Variants in FBLN2 observed in about 807,000 individuals in gnomAD.
FBLN2 encodes fibulin 2.
Under a neutral mutation model 123.7 loss-of-function variants are expected in FBLN2, and 81 were observed. That is an observed-to-expected ratio of 0.65 (90% confidence interval 0.55 to 0.79). FBLN2 has a LOEUF of 0.79. Among genes scored for constraint, FBLN2 ranks in the 30% least tolerant of loss-of-function variants. The pLI is 0.00. For missense variants in FBLN2, 1,603 were observed against 1,681.3 expected, an observed-to-expected ratio of 0.95 and a Z score of 0.81; for synonymous variants, 699 against 701.4, an observed-to-expected ratio of 1.00 and a Z score of 0.05.
intron 6 of FBLN2, 46 bp downstream of exon 6, chr3:13,618,331 C>T (rs1705707880): frequency 6.3e-7 from 1 of 1,588,632 alleles, no homozygotes; most frequent in Non-Finnish European, 8.6e-7. Context: ...AAGGGCTGAT[C>T]TTGCCAGGGG....
intron 1 of FBLN2, among the ~76,000 whole-genome samples, chr3:13,564,154 C>G (rs1484332949): frequency 6.6e-6 from 1 of 152,206 alleles, no homozygotes; most frequent in Non-Finnish European, 1.5e-5. Context: ...ACAAACACAT[C>G]TGTGTGTGAA....
intron 2 of FBLN2, among the ~76,000 whole-genome samples, chr3:13,583,031 G>T (rs9879030): frequency 2.0e-5 from 3 of 152,252 alleles, no homozygotes; most frequent in Non-Finnish European, 4.4e-5. Flanking sequence ...CTCACTGGCT[G>T]TCTCCCTCCC....
rs768756273 is a variant in FBLN2, at chr3:13,570,809, G to A, written c.454G>A (p.Val152Ile). The A allele has an allele frequency of 6.3e-7, 1 of 1,596,164 alleles. No homozygotes were observed. Among genetic ancestry groups the A allele is most frequent in the South Asian group, 1.1e-5 (1 of 88,532 alleles). ...CCACAAGTACGCCGCTGGCCACACT[G>A]TTCACCTGCCGCCCTGCCGGGCCTG... is the stretch of plus-strand genomic sequence containing the variant. ...AGHKYAAGHTVHLPPCRACHC... is the reference protein window; with the variant it reads ...AGHKYAAGHTIHLPPCRACHC... The change falls in exon 2 of 18, where the codon GTT (valine) becomes ATT (isoleucine). Residue 152 changes from valine to isoleucine, a missense_variant. Transcript: ENST00000404922.
chr3:13,637,558 G>A lies in FBLN2; in HGVS notation c.3339-4G>A. 6.3e-7 allele frequency: 1 copy of A among 1,597,574 alleles called. No homozygotes were observed. Among genetic ancestry groups the A allele is most frequent in the Non-Finnish European group, 8.5e-7 (1 of 1,169,622 alleles). ...GTGGGTGACCCGGCCTATCCTCCCTGCAGGAAGTGCGAGCGCACCACGTGC... is the reference window on the plus strand; with the variant it reads ...GTGGGTGACCCGGCCTATCCTCCCTACAGGAAGTGCGAGCGCACCACGTGC... On this transcript the variant is annotated splice_polypyrimidine_tract_variant and splice_region_variant and intron_variant, in intron 17 of 17. Transcript: ENST00000404922.
intron 1 of FBLN2, among the ~76,000 whole-genome samples, chr3:13,560,913 C>T (rs958504816): frequency 2.6e-5 from 4 of 151,942 alleles, no homozygotes; most frequent in Non-Finnish European, 4.4e-5. Flanking sequence ...TCCTGGGCTC[C>T]AGTAATCCTC....
At chr3:13,609,393 C>A in intron 3 of FBLN2, 120 bp from the exon 4 acceptor site, 1 of 1,193,212 alleles carries the variant, frequency 8.4e-7, no homozygotes, top group Non-Finnish European at 1.1e-6. Flanking sequence ...GCTCTGCCAC[C>A]TGCACCGGCT....
chr3:13,623,471 C>T (rs565680462), intron 9 of FBLN2, among the ~76,000 whole-genome samples: 8 of 152,312 alleles, frequency 5.3e-5, no homozygotes, highest in East Asian at 3.9e-4. Flanking sequence ...TGTACAAACC[C>T]GTCAGCACCT....
chr3:13,633,074 T>C (rs1464187113), intron 16 of FBLN2, among the ~76,000 whole-genome samples: 1 of 152,218 alleles, frequency 6.6e-6, no homozygotes, highest in African/African-American at 2.4e-5. Flanking sequence ...CCTGTCTGCA[T>C]TGAGGACAGA....
chr3:13,613,603 A>AT (rs1011300521), intron 4 of FBLN2, among the ~76,000 whole-genome samples: 1 of 152,218 alleles, frequency 6.6e-6, no homozygotes, highest in African/African-American at 2.4e-5. Context: ...AAGTAGAGTC[A>AT]TCCCCAGTTT....
intron 3 of FBLN2, 49 bp downstream of exon 3, chr3:13,608,222 A>G: frequency 7.2e-7 from 1 of 1,392,884 alleles, no homozygotes. Context: ...TGCCTTCTCC[A>G]GAACCCTGCT....
intron 1 of FBLN2, among the ~76,000 whole-genome samples, chr3:13,565,390 A>G (rs191259076): frequency 6.6e-6 from 1 of 152,198 alleles, no homozygotes; most frequent in African/African-American, 2.4e-5. Flanking sequence ...GTGCCACTTC[A>G]TGGTGGCTTG....
chr3:13,554,339 C>T (rs564799787), intron 1 of FBLN2, among the ~76,000 whole-genome samples: 1 of 152,342 alleles, frequency 6.6e-6, no homozygotes, highest in South Asian at 2.1e-4. Flanking sequence ...TGATAAGCCT[C>T]CCAGAGTTCT....
At chr3:13,553,801 G>A (rs1266111159) in intron 1 of FBLN2, among the ~76,000 whole-genome samples, 2 of 152,240 alleles carry the variant, frequency 1.3e-5, no homozygotes, top group Non-Finnish European at 2.9e-5. Context: ...ACCCACCTGT[G>A]CCGGGCCAGG....
rs1452904115 is a variant in FBLN2, at chr3:13,637,839, G to A, written c.3616G>A (p.Glu1206Lys). 1.9e-6 allele frequency: 3 copies of A among 1,613,280 alleles called. No homozygotes were observed. The highest frequency in any genetic ancestry group is 2.5e-6 in the Non-Finnish European group (3 of 1,179,378). ...LEPRDFALDV[E>K]MKLWRQGSVT... ...GCCCCGGGACTTTGCCCTGGACGTG[G>A]AGATGAAGCTCTGGAGGCAGGGCTC... The change falls in exon 18 of 18, where the codon GAG becomes AAG. Residue 1206 changes from glutamate (E) to lysine (K), a missense_variant. Glu to Lys is a moderately conservative substitution (Grantham distance 56). Coordinates refer to ENST00000404922, the MANE Select transcript of FBLN2 (RefSeq NM_001004019.2).
chr3:13,614,280 TAAAC>T, intron 5 of FBLN2, 116 bp downstream of exon 5: 1 of 1,013,638 alleles, frequency 9.9e-7, no homozygotes, highest in Non-Finnish European at 1.4e-6. Context: ...AGTTCTGCTC[TAAAC>T]AGAGTTCTGA....
chr3:13,608,566 G>A (rs1237170114), intron 3 of FBLN2, among the ~76,000 whole-genome samples: 1 of 152,164 alleles, frequency 6.6e-6, no homozygotes, highest in Non-Finnish European at 1.5e-5. Context: ...TCTCTGCTTT[G>A]CTACCCTTGG....
intron 2 of FBLN2, among the ~76,000 whole-genome samples, chr3:13,605,359 C>T (rs1705166953): frequency 6.6e-6 from 1 of 152,210 alleles, no homozygotes; most frequent in Non-Finnish European, 1.5e-5. Context: ...ACAGTTTCAT[C>T]TCATCAGTGT....
chr3:13,619,491 A>C (rs958969136), intron 7 of FBLN2, among the ~76,000 whole-genome samples: 2 of 151,526 alleles, frequency 1.3e-5, no homozygotes, highest in African/African-American at 4.9e-5. Context: ...CTGGGATCCG[A>C]GTGGTGGGGG....
chr3:13,580,953 C>T (rs1003036513), intron 2 of FBLN2, among the ~76,000 whole-genome samples: 4 of 152,300 alleles, frequency 2.6e-5, no homozygotes, highest in Admixed American at 2.0e-4. Context: ...TCAGCTGGTC[C>T]GGGATGGCCT....
Sources: gnomAD v4.1 joint callset for allele counts (sites outside exome capture counted in the v4.1 genomes callset) on GRCh38, gnomAD v4.1.1 for gene constraint, MANE v1.5 for transcripts, NCBI Gene and HGNC (gene_info 2026-07-23, HGNC 2026-07-21) for gene names.